Variants in WNT9B observed in about 807,000 individuals in gnomAD.
WNT9B encodes Wnt family member 9B.
A neutral mutation model predicts 30.2 loss-of-function variants in WNT9B; 12 were observed. That is an observed-to-expected ratio of 0.40 (90% CI 0.26 to 0.64). The LOEUF (loss-of-function observed/expected upper bound fraction) is 0.64. Among genes scored for constraint, WNT9B ranks in the 30% least tolerant of loss-of-function variants. WNT9B has a pLI of 0.42. For synonymous variants in WNT9B, 218 were observed against 216.9 expected, an observed-to-expected ratio of 1.01 and a Z score of -0.05; for missense variants, 442 against 485.2, an observed-to-expected ratio of 0.91 and a Z score of 0.84.
Position 46,878,330 on chromosome 17 carries a change from G to C in WNT9B, c.*1612G>C, listed in dbSNP as rs1470601159. Among the ~76,000 whole-genome samples the C allele has an allele frequency of 1.3e-5, 2 of 152,202 alleles. No homozygotes were observed. The highest frequency in any genetic ancestry group is 2.9e-5 in the Non-Finnish European group (2 of 68,046). On this transcript the variant is annotated 3_prime_UTR_variant, in exon 4 of 4. Coordinates refer to ENST00000290015, the MANE Select transcript of WNT9B (RefSeq NM_003396.3). Reference sequence around the variant, plus strand: ...ATGCTCAGAAACCTCGCCTGTGCCAGCTCCAGGACAAAGGCCCGCTGACTG... The same window carrying C: ...ATGCTCAGAAACCTCGCCTGTGCCACCTCCAGGACAAAGGCCCGCTGACTG...
rs1387795707 is a variant in WNT9B, at chr17:46,879,432, T to A, written c.*2714T>A. Among the ~76,000 whole-genome samples, 1 of 152,240 alleles carries A rather than the reference T, an allele frequency of 6.6e-6. No homozygotes were observed. The highest frequency in any genetic ancestry group is 6.5e-5 in the Admixed American group (1 of 15,290). ...TCTGCCCTTCTGGGTCCAGGCCCCCTTCTTCTGCTCTGGCAAAAGTGTCTT... is the reference window on the plus strand; with the variant it reads ...TCTGCCCTTCTGGGTCCAGGCCCCCATCTTCTGCTCTGGCAAAAGTGTCTT... On this transcript the variant is annotated 3_prime_UTR_variant, in exon 4 of 4. Transcript: ENST00000290015.
intron 1 of WNT9B, among the ~76,000 whole-genome samples, chr17:46,864,223 G>C (rs1156724954): frequency 6.6e-6 from 1 of 152,186 alleles, no homozygotes; most frequent in Non-Finnish European, 1.5e-5. Flanking sequence ...CAGTCACCCA[G>C]CCAGAGTCAC....
At chr17:46,847,354 G>T (rs1403875514), upstream of WNT9B, among the ~76,000 whole-genome samples, 1 of 152,156 alleles carries the variant, frequency 6.6e-6, no homozygotes. Context: ...CATCTTTCTG[G>T]ACTTTAGTGC....
At chr17:46,859,333 C>T (rs537090560) in intron 1 of WNT9B, among the ~76,000 whole-genome samples, 1 of 152,194 alleles carries the variant, frequency 6.6e-6, no homozygotes, top group African/African-American at 2.4e-5. Context: ...GTGTGTACAG[C>T]ATGGAGTAAG....
intron 1 of WNT9B, among the ~76,000 whole-genome samples, chr17:46,844,495 T>C (rs1389769495): frequency 1.3e-5 from 2 of 152,164 alleles, no homozygotes; most frequent in African/African-American, 4.8e-5. Flanking sequence ...GAGCACTTCC[T>C]GTAAACTTAT....
rs2085381859 is a variant in WNT9B at position 46,878,618 on chromosome 17, T to C, written c.*1900T>C. Among the ~76,000 whole-genome samples, 1 of 152,198 alleles carries C rather than the reference T, an allele frequency of 6.6e-6. No individual in the cohort carries two copies. Among genetic ancestry groups the C allele is most frequent in the Non-Finnish European group, 1.5e-5 (1 of 68,026 alleles). On this transcript the variant is annotated 3_prime_UTR_variant, in exon 4 of 4. Coordinates refer to ENST00000290015, the MANE Select transcript of WNT9B (RefSeq NM_003396.3). ...CCACAGCATGGAGATTTTCTCTGCC[T>C]TCCCAATCCATCTTGCTCCTCCGAG...
chr17:46,879,752 C>T lies in WNT9B; in HGVS notation c.*3034C>T, dbSNP rs1258950104. ...CAGGAGCCCCAAAGCCTGGATACCA[C>T]TGTGAGCCCAAGAACTCAGGGAAGC... On this transcript the variant is annotated 3_prime_UTR_variant, in exon 4 of 4. Coordinates refer to ENST00000290015, the MANE Select transcript of WNT9B (RefSeq NM_003396.3). 6.6e-6 allele frequency among the ~76,000 whole-genome samples: 1 copy of T among 152,260 alleles called. No homozygotes were observed. The highest frequency in any genetic ancestry group is 1.5e-5 in the Non-Finnish European group (1 of 68,044).
Position 46,879,223 on chromosome 17 carries a change from G to C in WNT9B, c.*2505G>C, listed in dbSNP as rs2085391074. Among the ~76,000 whole-genome samples the C allele has an allele frequency of 6.6e-6, 1 of 152,192 alleles. No homozygotes were observed. The highest frequency in any genetic ancestry group is 2.1e-4 in the South Asian group (1 of 4,826). On this transcript the variant is annotated 3_prime_UTR_variant, in exon 4 of 4. Transcript: ENST00000290015. ...TTGTGTATTTTCCCGGAAACCCTCTGTCTGGGGAGATACAGCCTGACCTGA... is the reference window on the plus strand; with the variant it reads ...TTGTGTATTTTCCCGGAAACCCTCTCTCTGGGGAGATACAGCCTGACCTGA...
At chr17:46,884,681 C>T (rs1260024077), downstream of WNT9B, among the ~76,000 whole-genome samples, 1 of 152,198 alleles carries the variant, frequency 6.6e-6, no homozygotes, top group Non-Finnish European at 1.5e-5. Flanking sequence ...TATGACAACG[C>T]TCCAAGTTGG....
chr17:46,876,188 G>A, intron 3 of WNT9B, 57 bp from the exon 4 acceptor site: 1 of 1,496,796 alleles, frequency 6.7e-7, no homozygotes, highest in South Asian at 1.3e-5. Flanking sequence ...TCTGGGGGCA[G>A]GCTCTGGCTG....
chr17:46,833,647 C>T (rs1176381113), intron 1 of WNT9B, among the ~76,000 whole-genome samples: 2 of 152,102 alleles, frequency 1.3e-5, no homozygotes, highest in African/African-American at 2.4e-5. Flanking sequence ...TCAGTTCTAA[C>T]AAAATCAAGA....
rs139617595 is a variant in WNT9B at position 46,876,519 on chromosome 17, G to A, written c.875G>A (p.Arg292Gln). Residue 292 changes from arginine to glutamine, a missense_variant, in exon 4 of 4, where the codon CGG becomes CAG. Physicochemically the swap from Arg to Gln is conservative, Grantham distance 43. Transcript: ENST00000290015. ...ATGGAGGACTCACCCAGCTTCTGCCGGCCCAGCAAGTACTCACCTGGCACA... is the reference window on the plus strand; with the variant it reads ...ATGGAGGACTCACCCAGCTTCTGCCAGCCCAGCAAGTACTCACCTGGCACA... ...VYMEDSPSFC[R>Q]PSKYSPGTAG... 66 of 1,613,460 alleles carry A rather than the reference G, an allele frequency of 4.1e-5. No homozygotes were observed. The highest frequency in any genetic ancestry group is 5.0e-5 in the Non-Finnish European group (59 of 1,180,022).
upstream of WNT9B, among the ~76,000 whole-genome samples, chr17:46,849,568 C>A (rs1475196228): frequency 6.6e-6 from 1 of 152,190 alleles, no homozygotes; most frequent in Non-Finnish European, 1.5e-5. Context: ...GATCGTGGTT[C>A]AAAATCTTAC....
downstream of WNT9B, among the ~76,000 whole-genome samples, chr17:46,881,340 A>G (rs1364264783): frequency 2.6e-5 from 4 of 152,266 alleles, no homozygotes; most frequent in African/African-American, 7.2e-5. Flanking sequence ...CCTGGAGACC[A>G]GCTGGCTCTG....
chr17:46,842,417 C>T (rs979415944), intron 1 of WNT9B, among the ~76,000 whole-genome samples: 1 of 152,182 alleles, frequency 6.6e-6, no homozygotes, highest in African/African-American at 2.4e-5. Context: ...CTCTGTCGCC[C>T]AGGCTGGAGT....
At chr17:46,867,511 G>A (rs80208634) in intron 1 of WNT9B, among the ~76,000 whole-genome samples, 12,760 of 152,280 alleles carry the variant, frequency 0.084, 800 homozygotes, top group East Asian at 0.37. Context: ...ACAGCCTTGG[G>A]GCATGAGATC....
intron 1 of WNT9B, among the ~76,000 whole-genome samples, chr17:46,852,238 T>A (rs2084861664): frequency 6.6e-6 from 1 of 151,994 alleles, no homozygotes; most frequent in Admixed American, 6.6e-5. Flanking sequence ...CAGAGGATCG[T>A]GCGCGTCCAG....
downstream of WNT9B, among the ~76,000 whole-genome samples, chr17:46,882,292 C>T (rs991295318): frequency 2.0e-5 from 3 of 152,230 alleles, no homozygotes; most frequent in Admixed American, 1.3e-4. Context: ...TCTTTGCTTT[C>T]ATAACAGTGA....
In WNT9B at chr17:46,872,517, C is replaced by T; in HGVS notation, c.78C>T (p.Gly26=). The T allele has an allele frequency of 1.3e-6, 2 of 1,538,514 alleles. No homozygotes were observed. The highest frequency in any genetic ancestry group is 1.8e-6 in the Non-Finnish European group (2 of 1,140,482). The change falls in exon 2 of 4, where the codon GGC becomes GGT. Residue 26 remains glycine, a splice_region_variant and synonymous_variant. Transcript: ENST00000290015. The part of the protein sequence containing the change: ...ALPAAAASYF[G]LTGREVLTPF... ...GTCTCCCTCCTCTCGCTCTCTCTAG[C>T]CTGACCGGGCGGGAAGTCCTGACGC...
Sources: allele counts gnomAD v4.1 joint callset (sites outside exome capture counted in the v4.1 genomes callset), GRCh38; gene constraint gnomAD v4.1.1; transcripts MANE v1.5; gene names NCBI Gene and HGNC (gene_info 2026-07-23, HGNC 2026-07-21).